The following ATP10B variants were observed in gnomAD, a reference collection of about 807,000 sequenced individuals.
The protein encoded by ATP10B is ATPase phospholipid transporting 10B (putative), also known as phospholipid-transporting ATPase VB.
In ATP10B, 122 loss-of-function variants were observed where a neutral mutation model predicts 141.2. That is an observed-to-expected ratio of 0.86 (90% confidence interval 0.75 to 1.00). ATP10B has a LOEUF of 1.00. Ranked by LOEUF, ATP10B falls within the 50% of genes least tolerant of loss-of-function variation. The pLI is 0.00. For synonymous variants in ATP10B, 685 were observed against 692.0 expected (o/e 0.99, Z 0.16); for missense variants, 1,876 against 1,825.3 (o/e 1.03, Z -0.51).
intron 22 of ATP10B, among the ~76,000 whole-genome samples, chr5:160,596,886 A>G (rs528968563): frequency 1.3e-5 from 2 of 152,354 alleles, no homozygotes; most frequent in African/African-American, 4.8e-5. Context: ...GCTCAATGAA[A>G]TAAAAGAGGA....
At chr5:160,783,242 C>T (rs563798723) in intron 2 of ATP10B, among the ~76,000 whole-genome samples, 4 of 151,792 alleles carry the variant, frequency 2.6e-5, no homozygotes, top group South Asian at 4.2e-4. Flanking sequence ...TAGCTTAGCT[C>T]CCACATATCA....
chr5:160,715,604 C>G (rs1016827381), intron 3 of ATP10B, among the ~76,000 whole-genome samples: 1 of 151,892 alleles, frequency 6.6e-6, no homozygotes, highest in Non-Finnish European at 1.5e-5. Flanking sequence ...AGCTGTAGAC[C>G]GGAGCTGTTC....
chr5:160,613,070 A>T (rs1156254089), intron 17 of ATP10B, 145 bp from the exon 18 acceptor site: 1 of 711,238 alleles, frequency 1.4e-6, no homozygotes, highest in Non-Finnish European at 2.3e-6. Flanking sequence ...AGTGAACTAG[A>T]TGGAGCAGGT....
the ATP10B span, among the ~76,000 whole-genome samples, chr5:160,909,877 G>A: frequency 2.6e-5 from 4 of 152,150 alleles, no homozygotes; most frequent in South Asian, 2.1e-4. Flanking sequence ...GGAAGCTGCC[G>A]GTTGTAGGCA....
At chr5:160,703,623 C>T (rs1227712584) in intron 3 of ATP10B, among the ~76,000 whole-genome samples, 1 of 151,836 alleles carries the variant, frequency 6.6e-6, no homozygotes, top group Non-Finnish European at 1.5e-5. Flanking sequence ...GCTACAGGCA[C>T]CTGGGTAATT....
intron 2 of ATP10B, among the ~76,000 whole-genome samples, chr5:160,773,421 G>A (rs1406231015): frequency 1.3e-5 from 2 of 152,190 alleles, no homozygotes; most frequent in Non-Finnish European, 2.9e-5. Context: ...TGATGCTGAT[G>A]TTCAGTCGGA....
intron 7 of ATP10B, among the ~76,000 whole-genome samples, chr5:160,656,820 C>T (rs73818282): frequency 0.012 from 1,812 of 152,046 alleles, 43 homozygotes; most frequent in African/African-American, 0.042. Flanking sequence ...AAGATTCTGT[C>T]GATTGAAGAA....
At chr5:160,680,819 A>G (rs1468722369) in intron 6 of ATP10B, among the ~76,000 whole-genome samples, 1 of 152,212 alleles carries the variant, frequency 6.6e-6, no homozygotes, top group Non-Finnish European at 1.5e-5. Context: ...TTTAGGGATG[A>G]ACAAGTGAGG....
At chr5:160,755,184 T>C (rs545432378) in intron 2 of ATP10B, among the ~76,000 whole-genome samples, 37 of 152,298 alleles carry the variant, frequency 2.4e-4, no homozygotes, top group African/African-American at 7.7e-4. Context: ...AAGCACCTTC[T>C]TCACATGGTG....
intron 25 of ATP10B, 88 bp from the exon 26 acceptor site, chr5:160,565,988 T>C: frequency 7.8e-7 from 1 of 1,285,450 alleles, no homozygotes; most frequent in Non-Finnish European, 1.1e-6. Flanking sequence ...AGAATCCAAC[T>C]CCCTGCCTGG....
intron 7 of ATP10B, among the ~76,000 whole-genome samples, chr5:160,658,833 C>T (rs990842845): frequency 2.0e-5 from 3 of 152,098 alleles, no homozygotes; most frequent in Non-Finnish European, 2.9e-5. Context: ...ATTCTGAAGC[C>T]CTCATTCCAC....
chr5:160,607,171 G>A (rs975856652), intron 18 of ATP10B, 85 bp from the exon 19 acceptor site: 14 of 1,139,942 alleles, frequency 1.2e-5, no homozygotes, highest in Admixed American at 4.6e-5. Context: ...TAGTAAGATA[G>A]TCATAAAACT....
the ATP10B span, among the ~76,000 whole-genome samples, chr5:160,907,520 C>G: frequency 5.7e-4 from 86 of 152,088 alleles, no homozygotes; most frequent in South Asian, 0.016. Flanking sequence ...TGACTGCGCC[C>G]AGCTAATCTT....
the ATP10B span, among the ~76,000 whole-genome samples, chr5:160,878,457 C>G: frequency 6.6e-6 from 1 of 152,160 alleles, no homozygotes; most frequent in African/African-American, 2.4e-5. Flanking sequence ...CATTACCATT[C>G]AGGACATAGG....
intron 1 of ATP10B, among the ~76,000 whole-genome samples, chr5:160,811,536 C>A (rs936835058): frequency 1.3e-5 from 2 of 152,152 alleles, no homozygotes; most frequent in South Asian, 2.1e-4. Context: ...TAGTGGTAGC[C>A]TGGCAATACT....
intron 7 of ATP10B, 50 bp from the exon 8 acceptor site, chr5:160,649,306 TTAATAGGATCACTGGGAGAGC>T (rs763184874): frequency 1.5e-6 from 2 of 1,336,040 alleles, no homozygotes; most frequent in Non-Finnish European, 2.2e-6. Flanking sequence ...GGATCTAGTT[TTAATAGGATCACTGGGAGAGC>T]TAATCACTGT....
At chr5:160,883,762 ATAGAT>A in the ATP10B span, among the ~76,000 whole-genome samples, 1 of 152,208 alleles carries the variant, frequency 6.6e-6, no homozygotes, top group Non-Finnish European at 1.5e-5. Flanking sequence ...AAAGGAAACT[ATAGAT>A]TAAAGGAGTT....
At chr5:160,814,171 G>T (rs566096882) in intron 1 of ATP10B, among the ~76,000 whole-genome samples, 1 of 152,020 alleles carries the variant, frequency 6.6e-6, no homozygotes, top group African/African-American at 2.4e-5. Flanking sequence ...GTCTTCAGAC[G>T]ATCAAACTAC....
In ATP10B at chr5:160,635,913, A is replaced by C. The variant is rs902230939; in HGVS notation, c.1128+269T>G. On this transcript the variant is annotated intron_variant, in intron 11 of 25. Transcript: ENST00000327245. ...GCAAAGGGACAGGCACATATGGGTC[A>C]CTGCTGTCATCTTAAATAGAAAAGC... Among the ~76,000 whole-genome samples, 5 of 152,198 alleles carry C rather than the reference A, an allele frequency of 3.3e-5. 1 individual carries two copies. Among genetic ancestry groups the C allele is most frequent in the African/African-American group, 1.2e-4 (5 of 41,436 alleles).
Sources: allele counts gnomAD v4.1 joint callset (sites outside exome capture counted in the v4.1 genomes callset), GRCh38; gene constraint gnomAD v4.1.1; transcripts MANE v1.5; gene names NCBI Gene and HGNC (gene_info 2026-07-23, HGNC 2026-07-21).